Variants in SYK observed in about 807,000 individuals in gnomAD.
The protein encoded by SYK is tyrosine-protein kinase SYK.
A neutral mutation model predicts 77.8 loss-of-function variants in SYK; 16 were observed. That is an observed-to-expected ratio of 0.21 (90% CI 0.14 to 0.31). SYK has a LOEUF of 0.31. Among genes scored for constraint, SYK ranks in the 10% least tolerant of loss-of-function variants. The pLI, the probability that SYK is intolerant of heterozygous loss-of-function variation, is 1.00. For missense variants in SYK, 529 were observed against 814.4 expected (o/e 0.65, Z 4.26); for synonymous variants, 312 against 308.7 (o/e 1.01, Z -0.11).
At chr9:90,888,123 C>T (rs1258311314) in intron 12 of SYK, among the ~76,000 whole-genome samples, 1 of 152,168 alleles carries the variant, frequency 6.6e-6, no homozygotes, top group East Asian at 1.9e-4. Context: ...AAATATAACC[C>T]AGATCATTAC....
At chr9:90,882,930 C>T (rs761754211) in intron 11 of SYK, among the ~76,000 whole-genome samples, 26 of 152,244 alleles carry the variant, frequency 1.7e-4, no homozygotes, top group Non-Finnish European at 2.8e-4. Flanking sequence ...ACAATCCTAG[C>T]GACAGAAGAA....
At chr9:90,828,256 A>G (rs992822811) in intron 1 of SYK, among the ~76,000 whole-genome samples, 1 of 25,918 alleles carries the variant, frequency 3.9e-5, no homozygotes, top group Non-Finnish European at 8.2e-5. Context: ...CGCCCCGCCC[A>G]GGCCTTCACA....
chr9:90,827,428 G>C (rs953287148), intron 1 of SYK: 2 of 152,204 alleles, frequency 1.3e-5, no homozygotes, highest in Non-Finnish European at 2.9e-5. Context: ...GAAGCACTCT[G>C]GCTTGTTGAT....
chr9:90,860,628 C>A (rs987973619), intron 3 of SYK, among the ~76,000 whole-genome samples: 1 of 152,160 alleles, frequency 6.6e-6, no homozygotes, highest in Non-Finnish European at 1.5e-5. Flanking sequence ...AGATATGTGT[C>A]CTGTACCCTG....
At position 90,804,961 on chromosome 9, in the gene SYK, T is replaced by TTG. The variant is rs1037413569; in HGVS notation, c.-42+3069_-42+3070insGT. ...TAGCTTGTATCAATTTGAGGTTTTT[T>TTG]TTTCCTTTATGAATCAATTGTGCAA... On this transcript the variant is annotated intron_variant, in intron 1 of 13. Coordinates refer to ENST00000375754, the MANE Select transcript of SYK (RefSeq NM_003177.7). Among the ~76,000 whole-genome samples the TTG allele has an allele frequency of 3.0e-3, 455 of 151,990 alleles. 1 individual carries two copies. Among genetic ancestry groups the TTG allele is most frequent in the African/African-American group, 0.011 (440 of 41,414 alleles).
intron 1 of SYK, among the ~76,000 whole-genome samples, chr9:90,841,386 G>T (rs879338012): frequency 4.5e-3 from 301 of 66,824 alleles, no homozygotes; most frequent in Non-Finnish European, 7.9e-3. Flanking sequence ...CAGTGTGTGT[G>T]TAGTTTGTGT....
Position 90,877,785 on chromosome 9 carries a change from T to C in SYK, c.1391+5T>C, listed in dbSNP as rs1425251398. 2 of 1,613,806 alleles carry C rather than the reference T, an allele frequency of 1.2e-6. No homozygotes were observed. The highest frequency in any genetic ancestry group is 1.7e-6 in the Non-Finnish European group (2 of 1,179,962). ...TAAGTATTTGCAGCAGAACAGGTATTGTCAGGTGCCCCCACACATCTGGAA... is the reference window on the plus strand; with the variant it reads ...TAAGTATTTGCAGCAGAACAGGTATCGTCAGGTGCCCCCACACATCTGGAA... On this transcript the variant is annotated splice_donor_5th_base_variant and intron_variant, in intron 10 of 13. Transcript: ENST00000375754.
At chr9:90,835,334 T>A (rs1400783383) in intron 1 of SYK, among the ~76,000 whole-genome samples, 2 of 152,226 alleles carry the variant, frequency 1.3e-5, no homozygotes, top group African/African-American at 4.8e-5. Flanking sequence ...GGGCCACCCA[T>A]AGCTGCATTC....
intron 3 of SYK, among the ~76,000 whole-genome samples, chr9:90,858,074 C>A (rs1827111115): frequency 6.6e-6 from 1 of 152,096 alleles, no homozygotes; most frequent in African/African-American, 2.4e-5. Context: ...CTCACTACTT[C>A]TTACATCCTC....
intron 7 of SYK, 84 bp from the exon 8 acceptor site, chr9:90,874,120 T>A: frequency 1.8e-6 from 2 of 1,102,134 alleles, no homozygotes; most frequent in African/African-American, 3.1e-5. Flanking sequence ...ACTGTGATTA[T>A]TGGAAAATAA....
chr9:90,847,945 G>A (rs1826660650), intron 3 of SYK, among the ~76,000 whole-genome samples: 1 of 152,198 alleles, frequency 6.6e-6, no homozygotes, highest in Non-Finnish European at 1.5e-5. Flanking sequence ...CCTTGGAGGG[G>A]TTTGCCACCT....
intron 11 of SYK, among the ~76,000 whole-genome samples, chr9:90,884,304 T>C (rs1457351727): frequency 6.6e-6 from 1 of 151,542 alleles, no homozygotes; most frequent in Non-Finnish European, 1.5e-5. Flanking sequence ...CGTGTATATA[T>C]ACACACATAT....
chr9:90,801,695 GCGGT>G (rs1826735170), upstream of SYK: 1 of 152,260 alleles, frequency 6.6e-6, no homozygotes, highest in Non-Finnish European at 1.5e-5. Context: ...GCTCATGGGC[GCGGT>G]CAGCAGGGCG....
chr9:90,817,921 G>A (rs1309362270), intron 1 of SYK, among the ~76,000 whole-genome samples: 1 of 151,884 alleles, frequency 6.6e-6, no homozygotes, highest in Non-Finnish European at 1.5e-5. Flanking sequence ...GTGAAAGAGA[G>A]AGAATGAATT....
chr9:90,885,159 C>G (rs547328046), intron 11 of SYK, among the ~76,000 whole-genome samples: 1 of 151,748 alleles, frequency 6.6e-6, no homozygotes, highest in South Asian at 2.1e-4. Flanking sequence ...ACACACAATT[C>G]TCCAGCAAAA....
intron 1 of SYK, among the ~76,000 whole-genome samples, chr9:90,812,857 T>TA (rs1825145489): frequency 6.6e-6 from 1 of 151,844 alleles, no homozygotes; most frequent in South Asian, 2.1e-4. Context: ...TATATTCTCC[T>TA]AAGGTTTGCC....
chr9:90,881,028 A>G (rs1828131058), intron 11 of SYK, among the ~76,000 whole-genome samples: 1 of 152,152 alleles, frequency 6.6e-6, no homozygotes, highest in African/African-American at 2.4e-5. Context: ...CCAGGCCTAT[A>G]AAACCAGGCC....
chr9:90,802,815 T>TAAAAAA (rs58269380), intron 1 of SYK, among the ~76,000 whole-genome samples: 4 of 58,676 alleles, frequency 6.8e-5, no homozygotes, highest in African/African-American at 1.9e-4. Context: ...CAGCGTGTAG[T>TAAAAAA]AAAAAAAAAA....
At chr9:90,846,095 A>G (rs150326368) in intron 3 of SYK, among the ~76,000 whole-genome samples, 2 of 152,356 alleles carry the variant, frequency 1.3e-5, no homozygotes, top group Non-Finnish European at 2.9e-5. Context: ...TTAGGCCCAC[A>G]GTCATTAGAG....
Sources: allele counts gnomAD v4.1 joint callset (sites outside exome capture counted in the v4.1 genomes callset), GRCh38; gene constraint gnomAD v4.1.1; transcripts MANE v1.5; gene names NCBI Gene and HGNC (gene_info 2026-07-23, HGNC 2026-07-21).